The following ATP1A4 variants were observed in gnomAD, a reference collection of about 807,000 sequenced individuals.
ATP1A4 encodes ATPase Na+/K+ transporting subunit alpha 4, also known as sodium/potassium-transporting ATPase subunit alpha-4.
Under a neutral mutation model 114.3 loss-of-function variants are expected in ATP1A4, and 90 were observed. That is an observed-to-expected ratio of 0.79 (90% CI 0.66 to 0.94). The LOEUF is 0.94. Ranked by LOEUF, ATP1A4 falls within the 40% of genes least tolerant of loss-of-function variation. The pLI is 0.00. For missense variants in ATP1A4, 1,222 were observed against 1,313.6 expected (o/e 0.93, Z 1.08); for synonymous variants, 511 against 494.1 (o/e 1.03, Z -0.45).
chr1:160,158,332 C>G (rs1361647846), intron 4 of ATP1A4, among the ~76,000 whole-genome samples: 2 of 152,128 alleles, frequency 1.3e-5, no homozygotes, highest in Non-Finnish European at 2.9e-5. Context: ...CATAGGGTGG[C>G]AGAGGATTCT....
Position 160,164,030 on chromosome 1 carries a change from T to C in ATP1A4, c.779-126T>C, listed in dbSNP as rs1004071538. On this transcript the variant is annotated intron_variant, in intron 6 of 21. Coordinates refer to ENST00000368081, the MANE Select transcript of ATP1A4 (RefSeq NM_144699.4). ...AAAGACCAAATATTAGAACAAAAGA[T>C]TCTCCTAGCACCCCTATCTTTAAGG... 1.2e-4 allele frequency: 143 copies of C among 1,229,864 alleles called. 1 individual carries two copies. The highest frequency in any genetic ancestry group is 1.4e-4 in the Non-Finnish European group (129 of 893,826). 76.2% of individuals were successfully genotyped at this position (1,229,864 alleles called of 1,614,324 possible).
intron 8 of ATP1A4, 78 bp downstream of exon 8, chr1:160,166,804 C>T (rs1653056877): frequency 2.5e-6 from 4 of 1,581,376 alleles, no homozygotes; most frequent in South Asian, 1.1e-5. Flanking sequence ...AATGGTGAGT[C>T]CAGACAGACA....
At chr1:160,178,015 G>A (rs1346525280) in intron 18 of ATP1A4, among the ~76,000 whole-genome samples, 2 of 152,080 alleles carry the variant, frequency 1.3e-5, no homozygotes, top group African/African-American at 4.8e-5. Flanking sequence ...ATAAATGCTG[G>A]GTCCTCTCCT....
intron 1 of ATP1A4, among the ~76,000 whole-genome samples, chr1:160,152,759 G>A (rs55967674): frequency 0.26 from 39,798 of 151,942 alleles, 5,370 homozygotes; most frequent in South Asian, 0.3. Flanking sequence ...GAGCTAGGCC[G>A]GGCGTGGTGG....
Position 160,180,678 on chromosome 1 carries a change from GACTCT to G in ATP1A4, c.2737-1005_2737-1001del, listed in dbSNP as rs540882124. 3.7e-3 allele frequency among the ~76,000 whole-genome samples: 491 copies of G among 133,794 alleles called. 2 individuals carry two copies. The highest frequency in any genetic ancestry group is 0.01 in the African/African-American group (368 of 35,326). 87.8% of individuals were successfully genotyped at this position (133,794 alleles called of 152,430 possible). A position where few individuals can be genotyped will look rare whatever the true frequency, so the allele number is the denominator to read the frequency against. On this transcript the variant is annotated intron_variant, in intron 18 of 21. Coordinates refer to ENST00000368081, the MANE Select transcript of ATP1A4 (RefSeq NM_144699.4). Reference sequence around the variant, plus strand: ...CCTTTCTTTCTGACCTATATCCCCTGACTCTGCCTTCTTCCCTTTTTTTTTTTTTT... The same window carrying G: ...CCTTTCTTTCTGACCTATATCCCCTGGCCTTCTTCCCTTTTTTTTTTTTTT...
chr1:160,171,613 C>T lies in ATP1A4; in HGVS notation c.1710C>T (p.Ser570=). The T allele has an allele frequency of 6.2e-7, 1 of 1,614,104 alleles. No individual in the cohort carries two copies. Among genetic ancestry groups the T allele is most frequent in the Non-Finnish European group, 8.5e-7 (1 of 1,179,994 alleles). Residue 570 remains serine, a synonymous_variant, in exon 12 of 22, where the codon AGC becomes AGT. Coordinates refer to ENST00000368081, the MANE Select transcript of ATP1A4 (RefSeq NM_144699.4). ...LGFCFLNLPS[S]FSKGFPFNTD... ...TCTGCTTCTTGAATCTGCCTAGCAG[C>T]TTCTCCAAGGGATTCCCATTTAATA...
Position 160,159,069 on chromosome 1 carries a change from T to C in ATP1A4, c.593T>C (p.Leu198Pro). 6.2e-7 allele frequency: 1 copy of C among 1,614,128 alleles called. No individual in the cohort carries two copies. Among genetic ancestry groups the C allele is most frequent in the Non-Finnish European group, 8.5e-7 (1 of 1,180,006 alleles). ...GTACAAGAGGTGGTGTTGGGAGACC[T>C]GGTGGAAATCAAGGGTGGAGACCGA... The part of the protein sequence containing the change: ...INVQEVVLGD[L>P]VEIKGGDRVP... Residue 198 changes from leucine (L) to proline (P), a missense_variant, in exon 5 of 22, where the codon CTG becomes CCG. Leu to Pro is a moderately conservative substitution (Grantham distance 98, BLOSUM62 -3). Coordinates refer to ENST00000368081, the MANE Select transcript of ATP1A4 (RefSeq NM_144699.4).
chr1:160,166,490 T>C (rs1168290187), intron 7 of ATP1A4, 38 bp from the exon 8 acceptor site: 2 of 1,607,894 alleles, frequency 1.2e-6, no homozygotes, highest in Non-Finnish European at 1.7e-6. Flanking sequence ...GAGTATTCCA[T>C]CTCCCATGTG....
At chr1:160,164,570 A>T (rs12751488) in intron 7 of ATP1A4, 146 bp downstream of exon 7, 38,782 of 857,384 alleles carry the variant, frequency 0.045, 1,084 homozygotes, top group Middle Eastern at 0.056. Context: ...TTAGCTCTCA[A>T]TATTACACTG....
chr1:160,177,667 G>A lies in ATP1A4; in HGVS notation c.2736+3G>A. The stretch of plus-strand genomic sequence containing the variant: ...AGGACAGCTACGGACAGCAGTGGGT[G>A]AGTAGAAGGGATAAGGTAGGAGCTG... On this transcript the variant is annotated splice_donor_region_variant and intron_variant, in intron 18 of 21. Coordinates refer to ENST00000368081, the MANE Select transcript of ATP1A4 (RefSeq NM_144699.4). 1 of 1,614,200 alleles carries A rather than the reference G, an allele frequency of 6.2e-7. No homozygotes were observed. Among genetic ancestry groups the A allele is most frequent in the Non-Finnish European group, 8.5e-7 (1 of 1,180,028 alleles).
chr1:160,176,235 G>C lies in ATP1A4; in HGVS notation c.2455G>C (p.Gly819Arg), dbSNP rs545611873. Residue 819 changes from glycine to arginine, a missense_variant, in exon 16 of 22, where the codon GGC becomes CGC. Coordinates refer to ENST00000368081, the MANE Select transcript of ATP1A4 (RefSeq NM_144699.4). Reference sequence around the variant, plus strand: ...CATAACCATCCTCTGCATTGATCTCGGCACTGACATGGTAAGGGCCAAGCT... The same window carrying C: ...CATAACCATCCTCTGCATTGATCTCCGCACTGACATGGTAAGGGCCAAGCT... ...GTITILCIDL[G>R]TDMVPAISLA... is the part of the protein sequence containing the mutation. 6.2e-7 allele frequency: 1 copy of C among 1,614,006 alleles called. No homozygotes were observed. Among genetic ancestry groups the C allele is most frequent in the African/African-American group, 1.3e-5 (1 of 74,980 alleles).
At position 160,186,706 on chromosome 1, in the gene ATP1A4, C is replaced by T. The variant is rs770138365; in HGVS notation, c.*7C>T. 2.4e-5 allele frequency: 39 copies of T among 1,610,324 alleles called. No individual in the cohort carries two copies. In the South Asian group the frequency reaches 3.3e-4, roughly 14 times the overall value. ...AAGGGAGACGTACTACTAAACTCAGCAGATGAAGAGCTTCATGTGACACAG... is the reference window on the plus strand; with the variant it reads ...AAGGGAGACGTACTACTAAACTCAGTAGATGAAGAGCTTCATGTGACACAG... On this transcript the variant is annotated 3_prime_UTR_variant, in exon 22 of 22. Transcript: ENST00000368081.
chr1:160,166,444 T>C (rs180957832), intron 7 of ATP1A4, 84 bp from the exon 8 acceptor site: 255 of 1,517,990 alleles, frequency 1.7e-4, no homozygotes, highest in Non-Finnish European at 1.9e-4. Context: ...AAAATAGCAT[T>C]AAAAATGATC....
At chr1:160,166,222 A>G (rs1175648705) in intron 7 of ATP1A4, among the ~76,000 whole-genome samples, 2 of 152,190 alleles carry the variant, frequency 1.3e-5, no homozygotes, top group African/African-American at 4.8e-5. Context: ...GTTAGCCAAG[A>G]TCATACTCTG....
chr1:160,185,642 C>T (rs1271079178), intron 20 of ATP1A4, among the ~76,000 whole-genome samples: 1 of 151,752 alleles, frequency 6.6e-6, no homozygotes, highest in Admixed American at 6.6e-5. Flanking sequence ...AAAATTTGGC[C>T]AGGCATGGTG....
intron 2 of ATP1A4, 21 bp from the exon 3 acceptor site, chr1:160,155,024 C>T: frequency 1.2e-6 from 2 of 1,609,396 alleles, no homozygotes; most frequent in South Asian, 2.2e-5. Flanking sequence ...CTCTATCCAA[C>T]CCTATTTCTT....
chr1:160,156,171 T>G lies in ATP1A4; in HGVS notation c.525+13T>G. ...CATGGTGCCTCAGGTAGGATTGGAG[T>G]GGGAGGATCTAGTGGGAGCAGGAGC... On this transcript the variant is annotated intron_variant, in intron 4 of 21. Transcript: ENST00000368081. The G allele has an allele frequency of 6.4e-7, 1 of 1,552,158 alleles. No homozygotes were observed. The highest frequency in any genetic ancestry group is 8.9e-7 in the Non-Finnish European group (1 of 1,123,842).
intron 10 of ATP1A4, chr1:160,169,567 C>T (rs567483187): frequency 2.6e-5 from 4 of 152,312 alleles, no homozygotes; most frequent in South Asian, 4.1e-4. Context: ...GTTGTAACCA[C>T]GTTTTGTGCA....
At chr1:160,154,874 T>C (rs1652581219) in intron 2 of ATP1A4, among the ~76,000 whole-genome samples, 171 bp from the exon 3 acceptor site, 1 of 152,188 alleles carries the variant, frequency 6.6e-6, no homozygotes, top group Admixed American at 6.5e-5. Flanking sequence ...ATCCCTCCTC[T>C]AATGCAAATT....
Sources: allele counts gnomAD v4.1 joint callset (sites outside exome capture counted in the v4.1 genomes callset), GRCh38; gene constraint gnomAD v4.1.1; transcripts MANE v1.5; gene names NCBI Gene and HGNC (gene_info 2026-07-23, HGNC 2026-07-21).